The following STAU2 variants were observed in gnomAD, a reference collection of about 807,000 sequenced individuals.
STAU2 encodes staufen double-stranded RNA binding protein 2, also known as double-stranded RNA-binding protein Staufen homolog 2.
A neutral mutation model predicts 65.9 loss-of-function variants in STAU2; 20 were observed. That is an observed-to-expected ratio of 0.30 (90% CI 0.21 to 0.44). The LOEUF (loss-of-function observed/expected upper bound fraction) is 0.44. STAU2 is among the 20% of genes least tolerant of loss of function. The pLI, the probability that STAU2 is intolerant of heterozygous loss-of-function variation, is 1.00. For synonymous variants in STAU2, 232 were observed against 233.9 expected (o/e 0.99, Z 0.07); for missense variants, 558 against 683.9 (o/e 0.82, Z 2.05).
intron 13 of STAU2, among the ~76,000 whole-genome samples, chr8:73,508,716 T>C (rs1216556424): frequency 6.6e-6 from 1 of 152,196 alleles, no homozygotes; most frequent in South Asian, 2.1e-4. Context: ...ATTTACCTTT[T>C]CTGGAAATTT....
At chr8:73,672,723 C>T (rs1042880958) in intron 6 of STAU2, among the ~76,000 whole-genome samples, 5 of 151,848 alleles carry the variant, frequency 3.3e-5, no homozygotes, top group African/African-American at 1.2e-4. Flanking sequence ...TTCATGTTCA[C>T]TAATGTATTT....
Position 73,673,239 on chromosome 8 carries a change from C to T in STAU2, c.278G>A (p.Ser93Asn). ...ATTCAGTTCCACAGTTGGAGTTATA[C>T]TGCCTGTTTAAAAAAAAAACATTAA... ...PKSNVNNNPG[S>N]ITPTVELNGL... Residue 93 changes from serine (S) to asparagine (N), a missense_variant, in exon 6 of 15, where the codon AGT becomes AAT. Physicochemically the swap from Ser to Asn is conservative, Grantham distance 46 (BLOSUM62 1). Transcript: ENST00000524300. The T allele has an allele frequency of 1.3e-6, 2 of 1,557,970 alleles. No individual in the cohort carries two copies. Among genetic ancestry groups the T allele is most frequent in the Non-Finnish European group, 1.7e-6 (2 of 1,156,494 alleles).
chr8:73,563,314 G>A (rs956462362), intron 12 of STAU2, among the ~76,000 whole-genome samples: 1 of 152,144 alleles, frequency 6.6e-6, no homozygotes, highest in Non-Finnish European at 1.5e-5. Context: ...AGCAGTAATA[G>A]GATGCCCCCC....
chr8:73,477,645 C>T (rs1252588892), intron 13 of STAU2, among the ~76,000 whole-genome samples: 2 of 152,120 alleles, frequency 1.3e-5, no homozygotes, highest in Non-Finnish European at 2.9e-5. Context: ...CTAAAGAGGA[C>T]AATGCTAACT....
chr8:73,723,670 T>C (rs1821836615), intron 3 of STAU2, among the ~76,000 whole-genome samples: 1 of 152,202 alleles, frequency 6.6e-6, no homozygotes, highest in African/African-American at 2.4e-5. Flanking sequence ...ATACCGTATA[T>C]TTTTCATCTC....
intron 6 of STAU2, among the ~76,000 whole-genome samples, chr8:73,647,502 T>G (rs1038880527): frequency 6.6e-6 from 1 of 151,742 alleles, no homozygotes; most frequent in Non-Finnish European, 1.5e-5. Flanking sequence ...CTAGAGATAG[T>G]AGGGTAGCAG....
At chr8:73,614,751 T>TAA (rs35152675) in intron 8 of STAU2, among the ~76,000 whole-genome samples, 1 of 151,906 alleles carries the variant, frequency 6.6e-6, no homozygotes, top group African/African-American at 2.4e-5. Flanking sequence ...TTGTAGCCTT[T>TAA]AAAAAAAATC....
chr8:73,534,038 A>C (rs527938627), intron 13 of STAU2, among the ~76,000 whole-genome samples: 4 of 152,342 alleles, frequency 2.6e-5, no homozygotes, highest in African/African-American at 9.6e-5. Flanking sequence ...ATGTTTAAAG[A>C]AAGTTGCCTG....
At chr8:73,600,067 C>A (rs1811521537) in intron 10 of STAU2, among the ~76,000 whole-genome samples, 1 of 152,182 alleles carries the variant, frequency 6.6e-6, no homozygotes, top group Admixed American at 6.5e-5. Context: ...CACGCCCAGC[C>A]TCCAACAGTA....
intron 13 of STAU2, among the ~76,000 whole-genome samples, chr8:73,478,305 T>TAAAAAAA (rs10660977): frequency 3.9e-5 from 3 of 77,506 alleles, no homozygotes; most frequent in South Asian, 5.0e-4. Context: ...ACTGATGAGC[T>TAAAAAAA]AAAAAAAAAA....
chr8:73,457,758 G>A (rs1441406729), intron 13 of STAU2, among the ~76,000 whole-genome samples: 2 of 152,150 alleles, frequency 1.3e-5, no homozygotes, highest in Admixed American at 1.3e-4. Context: ...TTTCCATCAG[G>A]ATAGGCATGA....
At chr8:73,722,487 T>C (rs1821752565) in intron 3 of STAU2, among the ~76,000 whole-genome samples, 1 of 152,234 alleles carries the variant, frequency 6.6e-6, no homozygotes, top group Non-Finnish European at 1.5e-5. Flanking sequence ...GTAAACATCT[T>C]TATCTCATCT....
At chr8:73,714,144 C>G (rs893208366) in intron 3 of STAU2, among the ~76,000 whole-genome samples, 2 of 152,164 alleles carry the variant, frequency 1.3e-5, no homozygotes, top group Non-Finnish European at 2.9e-5. Context: ...CTCAGGTGAT[C>G]CGCCCACCTC....
intron 13 of STAU2, among the ~76,000 whole-genome samples, chr8:73,429,489 G>A (rs996652348): frequency 1.5e-5 from 2 of 130,018 alleles, no homozygotes; most frequent in Non-Finnish European, 3.1e-5. Context: ...CTGGAGTGCA[G>A]TGGTGTGATC....
chr8:73,517,733 A>G (rs75789157), intron 13 of STAU2, among the ~76,000 whole-genome samples: 1 of 149,010 alleles, frequency 6.7e-6, no homozygotes, highest in Non-Finnish European at 1.5e-5. Flanking sequence ...TCATTTCAGG[A>G]AAAAAAAAAG....
chr8:73,658,066 A>G (rs556530486), intron 6 of STAU2, among the ~76,000 whole-genome samples: 1 of 151,630 alleles, frequency 6.6e-6, no homozygotes, highest in Admixed American at 6.6e-5. Context: ...ACGGGGTTTT[A>G]AGAACTATCT....
chr8:73,437,452 T>C (rs943585231), intron 13 of STAU2, among the ~76,000 whole-genome samples: 1 of 152,032 alleles, frequency 6.6e-6, no homozygotes. Context: ...CACTAGAATC[T>C]GGAAAGGCAA....
At chr8:73,428,454 C>T (rs1053808506) in intron 13 of STAU2, among the ~76,000 whole-genome samples, 7 of 152,074 alleles carry the variant, frequency 4.6e-5, no homozygotes, top group Non-Finnish European at 8.8e-5. Context: ...TCTTGACACA[C>T]AAATTTCAAA....
At chr8:73,619,522 T>C (rs781251381) in intron 6 of STAU2, among the ~76,000 whole-genome samples, 5 of 152,194 alleles carry the variant, frequency 3.3e-5, no homozygotes, top group Admixed American at 6.5e-5. Flanking sequence ...ATAAACTGGA[T>C]AGAGCGCATC....
Sources: allele counts gnomAD v4.1 joint callset (sites outside exome capture counted in the v4.1 genomes callset), GRCh38; gene constraint gnomAD v4.1.1; transcripts MANE v1.5; gene names NCBI Gene and HGNC (gene_info 2026-07-23, HGNC 2026-07-21).